GABPB2: variants seen among roughly 807,000 people sequenced by gnomAD.
GABPB2 encodes the protein GA-binding protein subunit beta-2.
GABPB2 carries 23 observed loss-of-function variants against 39.1 expected under a neutral mutation model. That is an observed-to-expected ratio of 0.59 (90% CI 0.42 to 0.83). The LOEUF (loss-of-function observed/expected upper bound fraction) is 0.83, where lower values mean the gene tolerates loss of function less well. Ranked by LOEUF, GABPB2 falls within the 40% of genes least tolerant of loss-of-function variation. The pLI is 0.00. For missense variants in GABPB2, 467 were observed against 541.1 expected (o/e 0.86, Z 1.36); for synonymous variants, 184 against 199.3 (o/e 0.92, Z 0.65).
intron 1 of GABPB2, among the ~76,000 whole-genome samples, chr1:151,083,370 G>C (rs1027039923): frequency 7.9e-5 from 12 of 152,156 alleles, no homozygotes; most frequent in East Asian, 3.8e-4. Flanking sequence ...GGTGGCTCAC[G>C]CCTGTAATCC....
At chr1:151,082,985 A>G (rs1047988143) in intron 1 of GABPB2, among the ~76,000 whole-genome samples, 9 of 151,938 alleles carry the variant, frequency 5.9e-5, no homozygotes, top group African/African-American at 1.9e-4. Context: ...CAAAAAAAAA[A>G]AAAAGAAAAG....
At chr1:151,117,630 C>A in intron 8 of GABPB2, 114 bp downstream of exon 8, 1 of 1,168,672 alleles carries the variant, frequency 8.6e-7, no homozygotes, top group Non-Finnish European at 1.2e-6. Context: ...GTTGCCCAGG[C>A]TGGAGTACAG....
intron 7 of GABPB2, among the ~76,000 whole-genome samples, chr1:151,113,231 G>A (rs1438015750): frequency 1.3e-5 from 2 of 151,866 alleles, no homozygotes; most frequent in African/African-American, 2.4e-5. Flanking sequence ...CACTTTGGGA[G>A]GCCGAGGTGG....
Position 151,085,404 on chromosome 1 carries a change from A to G in GABPB2, c.1-2786A>G, listed in dbSNP as rs773027957. 3.0e-4 allele frequency among the ~76,000 whole-genome samples: 46 copies of G among 152,260 alleles called. 1 individual carries two copies. The highest frequency in any genetic ancestry group is 1.1e-3 in the African/African-American group (46 of 41,564). ...GAGAGCAAAACTCTGTCTCAAAAAT[A>G]AAATAATAAAATGATGTTCCATGAT... On this transcript the variant is annotated intron_variant, in intron 1 of 8. Transcript: ENST00000368918.
chr1:151,116,941 A>C (rs1680923954), intron 7 of GABPB2, among the ~76,000 whole-genome samples: 1 of 152,106 alleles, frequency 6.6e-6, no homozygotes, highest in African/African-American at 2.4e-5. Context: ...CTAATTGGCC[A>C]TAGGTGACCT....
intron 7 of GABPB2, among the ~76,000 whole-genome samples, chr1:151,114,988 C>A (rs587733384): frequency 6.6e-6 from 1 of 152,182 alleles, no homozygotes; most frequent in East Asian, 1.9e-4. Context: ...CCAATCCGGC[C>A]TGGGTGGAGC....
At chr1:151,109,364 A>ATATTTTTTTT (rs779537595) in intron 7 of GABPB2, among the ~76,000 whole-genome samples, 7 of 112,392 alleles carry the variant, frequency 6.2e-5, no homozygotes, top group South Asian at 3.1e-4. Flanking sequence ...ATATATATAT[A>ATATTTTTTTT]TTTTTTTTTT....
intron 5 of GABPB2, among the ~76,000 whole-genome samples, chr1:151,102,369 T>A (rs1034344334): frequency 1.3e-5 from 2 of 152,166 alleles, no homozygotes; most frequent in Non-Finnish European, 2.9e-5. Context: ...ATAACTAAAG[T>A]ATTTTTAACA....
At chr1:151,092,724 C>T (rs956362530) in intron 3 of GABPB2, among the ~76,000 whole-genome samples, 4 of 151,978 alleles carry the variant, frequency 2.6e-5, no homozygotes, top group Non-Finnish European at 4.4e-5. Flanking sequence ...CGGGCATGTA[C>T]TACCACGCCT....
At chr1:151,084,315 C>T (rs1056311183) in intron 1 of GABPB2, among the ~76,000 whole-genome samples, 12 of 151,574 alleles carry the variant, frequency 7.9e-5, no homozygotes, top group African/African-American at 2.2e-4. Context: ...ACCTCCCTCC[C>T]GGTTCAAGTG....
chr1:151,118,219 C>T lies in GABPB2; in HGVS notation c.1310C>T (p.Pro437Leu), dbSNP rs1223229260. ...KVTGSAGTTEPHTRVSMATVS... is the reference protein window; with the variant it reads ...KVTGSAGTTELHTRVSMATVS... The stretch of plus-strand genomic sequence containing the variant: ...ACTGGGTCAGCAGGGACCACAGAGC[C>T]TCACACTAGAGTTTCCATGGCAACT... The change falls in exon 9 of 9, where the codon CCT (proline) becomes CTT (leucine). Residue 437 changes from proline to leucine, a missense_variant. By Grantham distance (98) the Pro-to-Leu change is moderately conservative (BLOSUM62 -3). Transcript: ENST00000368918. The T allele has an allele frequency of 3.7e-6, 6 of 1,613,990 alleles. No individual in the cohort carries two copies. The East Asian group carries it at 6.7e-5, about 18-fold the overall frequency.
At chr1:151,088,637 A>G (rs973872406) in intron 2 of GABPB2, 10 of 301,070 alleles carry the variant, frequency 3.3e-5, no homozygotes, top group Non-Finnish European at 5.0e-5. Context: ...AACAAAATCA[A>G]TATAATAAGA....
chr1:151,074,840 A>G (rs969887119), intron 1 of GABPB2, among the ~76,000 whole-genome samples: 3 of 152,020 alleles, frequency 2.0e-5, no homozygotes, highest in African/African-American at 4.8e-5. Flanking sequence ...CTGACCTCCT[A>G]TCTCATCCTG....
chr1:151,083,458 C>T (rs1677891618), intron 1 of GABPB2, among the ~76,000 whole-genome samples: 1 of 152,072 alleles, frequency 6.6e-6, no homozygotes, highest in African/African-American at 2.4e-5. Flanking sequence ...ATGGCGAAAA[C>T]CTGTCTCTAC....
chr1:151,109,869 C>CA (rs1176298976), intron 7 of GABPB2, among the ~76,000 whole-genome samples: 3 of 150,748 alleles, frequency 2.0e-5, no homozygotes, highest in Middle Eastern at 6.8e-3. Flanking sequence ...GACAGGGACA[C>CA]AGTCTGTCAC....
At chr1:151,090,363 C>T (rs1678566222) in intron 2 of GABPB2, 43 bp from the exon 3 acceptor site, 2 of 1,573,168 alleles carry the variant, frequency 1.3e-6, no homozygotes, top group African/African-American at 1.3e-5. Flanking sequence ...CGATCTAGGA[C>T]TCTGCACACA....
rs1676643311 is a variant in GABPB2, at chr1:151,070,880, G to A, written c.-55G>A. 1 of 152,218 alleles carries A rather than the reference G, an allele frequency of 6.6e-6. No homozygotes were observed. Among genetic ancestry groups the A allele is most frequent in the Admixed American group, 6.5e-5 (1 of 15,270 alleles). The allele number at this position is 152,218 out of a possible 1,614,324, so 9.4% of individuals were successfully genotyped here. The stretch of plus-strand genomic sequence containing the variant: ...GGAGTCTTAACTAGAGAAGGAAACG[G>A]GACTAAACTGGCGGGCTCCGTGGAA... On this transcript the variant is annotated 5_prime_UTR_variant, in exon 1 of 9. Coordinates refer to ENST00000368918, the MANE Select transcript of GABPB2 (RefSeq NM_144618.3).
At chr1:151,079,005 G>A (rs1487167074) in intron 1 of GABPB2, among the ~76,000 whole-genome samples, 3 of 151,930 alleles carry the variant, frequency 2.0e-5, no homozygotes, top group Non-Finnish European at 4.4e-5. Context: ...GATGCTTCAG[G>A]TTAACTCAAA....
intron 1 of GABPB2, among the ~76,000 whole-genome samples, chr1:151,085,758 A>G (rs774236516): frequency 1.5e-4 from 23 of 152,252 alleles, no homozygotes; most frequent in Non-Finnish European, 2.9e-4. Flanking sequence ...GGCCAAAAGC[A>G]GTTATTTTAG....
Sources: allele counts gnomAD v4.1 joint callset (sites outside exome capture counted in the v4.1 genomes callset), GRCh38; gene constraint gnomAD v4.1.1; transcripts MANE v1.5; gene names NCBI Gene and HGNC (gene_info 2026-07-23, HGNC 2026-07-21).